The following CPTP variants were observed in gnomAD, a reference collection of about 807,000 sequenced individuals.
CPTP encodes ceramide-1-phosphate transfer protein.
Under a neutral mutation model 5.7 loss-of-function variants are expected in CPTP, and 5 were observed. That is an observed-to-expected ratio of 0.88 (90% CI 0.46 to 1.86). The LOEUF is 1.86. Among genes scored for constraint, CPTP ranks in the 40% most tolerant of loss-of-function variants. The pLI is 0.01. For missense variants in CPTP, 335 were observed against 306.5 expected (o/e 1.09, Z -0.69); for synonymous variants, 166 against 142.7 (o/e 1.16, Z -1.16).
intron 1 of CPTP, among the ~76,000 whole-genome samples, chr1:1,326,492 G>A (rs1238245480): frequency 6.6e-6 from 1 of 152,170 alleles, no homozygotes; most frequent in Non-Finnish European, 1.5e-5. Flanking sequence ...TTCTCCAGCT[G>A]GTAAAAGCAG....
Position 1,327,585 on chromosome 1 carries a change from G to C in CPTP, c.467G>C (p.Arg156Pro). Residue 156 changes from arginine (R) to proline (P), a missense_variant, in exon 3 of 3, where the codon CGC becomes CCC. Arg to Pro is a moderately radical substitution (Grantham distance 103). Transcript: ENST00000343938. Reference protein sequence around the residue: ...LAAYHPWVVRRAVTVAFCTLP... With the variant: ...LAAYHPWVVRPAVTVAFCTLP... ...GCCTACCACCCCTGGGTCGTGCGCCGCGCCGTCACCGTGGCCTTCTGCACG... is the reference window on the plus strand; with the variant it reads ...GCCTACCACCCCTGGGTCGTGCGCCCCGCCGTCACCGTGGCCTTCTGCACG... 1.2e-6 allele frequency: 2 copies of C among 1,608,566 alleles called. No individual in the cohort carries two copies. Among genetic ancestry groups the C allele is most frequent in the East Asian group, 2.2e-5 (1 of 44,750 alleles).
At position 1,326,863 on chromosome 1, in the gene CPTP, C is replaced by G. The variant is rs1643319134; in HGVS notation, c.-48C>G. The G allele has an allele frequency of 1.2e-6, 2 of 1,611,900 alleles. No individual in the cohort carries two copies. Among genetic ancestry groups the G allele is most frequent in the African/African-American group, 2.7e-5 (2 of 74,906 alleles). ...AATGAGCCACAGAGCAAGCTGACCC[C>G]AGCGACACAGCCCCCCAGCCCTACT... On this transcript the variant is annotated 5_prime_UTR_variant, in exon 2 of 3. Transcript: ENST00000343938.
Position 1,327,093 on chromosome 1 carries a change from G to A in CPTP, c.122+61G>A, listed in dbSNP as rs1643323935. 18 of 1,602,944 alleles carry A rather than the reference G, an allele frequency of 1.1e-5. 1 individual carries two copies. The South Asian group carries it at 1.5e-4, about 14-fold the overall frequency. On this transcript the variant is annotated intron_variant, in intron 2 of 2. Coordinates refer to ENST00000343938, the MANE Select transcript of CPTP (RefSeq NM_001029885.2). Reference sequence around the variant, plus strand: ...TCCCCTGGCCCGAGTCCCATATGTGGCATCTGCCTCCCGACTGCCTGTCCC... The same window carrying A: ...TCCCCTGGCCCGAGTCCCATATGTGACATCTGCCTCCCGACTGCCTGTCCC...
Position 1,328,083 on chromosome 1 carries a change from A to G in CPTP, c.*320A>G. On this transcript the variant is annotated 3_prime_UTR_variant, in exon 3 of 3. Transcript: ENST00000343938. ...CAGGGGTGGGGGCCGGGCCTGCAAG[A>G]GCCCGAAAGGTCGCCACCCCCTAGC... is the stretch of plus-strand genomic sequence containing the variant. 1 of 437,392 alleles carries G rather than the reference A, an allele frequency of 2.3e-6. No homozygotes were observed. Among genetic ancestry groups the G allele is most frequent in the Non-Finnish European group, 4.1e-6 (1 of 243,984 alleles). 27.1% of individuals were successfully genotyped at this position (437,392 alleles called of 1,614,324 possible).
At position 1,327,424 on chromosome 1, in the gene CPTP, G is replaced by A. The variant is rs555564114; in HGVS notation, c.306G>A (p.Glu102=). The A allele has an allele frequency of 7.6e-6, 12 of 1,588,182 alleles. No individual in the cohort carries two copies. In the Admixed American group the frequency reaches 1.7e-4, roughly 23 times the overall value. The change falls in exon 3 of 3, where the codon GAG becomes GAA. Residue 102 remains glutamate, a synonymous_variant. Coordinates refer to ENST00000343938, the MANE Select transcript of CPTP (RefSeq NM_001029885.2). ...VDLERRSHHP[E]SGCRTVLRLH... is the part of the protein sequence containing the mutation. ...TGGAGCGCCGCTCCCACCACCCGGAGTCTGGCTGCCGGACGGTGCTGCGCC... is the reference window on the plus strand; with the variant it reads ...TGGAGCGCCGCTCCCACCACCCGGAATCTGGCTGCCGGACGGTGCTGCGCC...
Position 1,327,966 on chromosome 1 carries a change from C to T in CPTP, c.*203C>T, listed in dbSNP as rs1238308356. 4.8e-6 allele frequency: 3 copies of T among 631,530 alleles called. No homozygotes were observed. The highest frequency in any genetic ancestry group is 1.8e-5 in the African/African-American group (1 of 54,326). The allele number at this position is 631,530 out of a possible 1,614,324, so 39.1% of individuals were successfully genotyped here. On this transcript the variant is annotated 3_prime_UTR_variant, in exon 3 of 3. Coordinates refer to ENST00000343938, the MANE Select transcript of CPTP (RefSeq NM_001029885.2). ...CCAGAAGAGGCCCACCCTCTCGGTC[C>T]GGAACAAGACGCCTCGGCCACGGCT...
At position 1,328,108 on chromosome 1, in the gene CPTP, C is replaced by T. The variant is rs1280596702; in HGVS notation, c.*345C>T. The T allele has an allele frequency of 2.6e-6, 1 of 382,260 alleles. No homozygotes were observed. The highest frequency in any genetic ancestry group is 4.8e-6 in the Non-Finnish European group (1 of 210,048). The allele number at this position is 382,260 out of a possible 1,614,324, so 23.7% of individuals were successfully genotyped here. A position where few individuals can be genotyped will look rare whatever the true frequency, so the allele number is the denominator to read the frequency against. On this transcript the variant is annotated 3_prime_UTR_variant, in exon 3 of 3. Transcript: ENST00000343938. ...AGCCCGAAAGGTCGCCACCCCCTAG[C>T]CTGTGGGGTGCATCTGCGAACCAGG...
In CPTP at chr1:1,328,756, A is replaced by T. The variant is rs307352; in HGVS notation, c.*993A>T. On this transcript the variant is annotated 3_prime_UTR_variant, in exon 3 of 3. Transcript: ENST00000343938. ...TGGGGCCTGGCCACTGGCTCTTCAC[A>T]GTGGACCCCAGCACCTCGGGGTGGC... The T allele has an allele frequency of 7.2e-3, 1,092 of 152,566 alleles. 14 individuals are homozygous for T. Among genetic ancestry groups the T allele is most frequent in the African/African-American group, 0.025 (1,031 of 41,530 alleles). The allele number at this position is 152,566 out of a possible 1,614,324, so 9.5% of individuals were successfully genotyped here. A position where few individuals can be genotyped will look rare whatever the true frequency, so the allele number is the denominator to read the frequency against.
At position 1,327,812 on chromosome 1, in the gene CPTP, G is replaced by A. The variant is rs372225054; in HGVS notation, c.*49G>A. 3.8e-5 allele frequency: 60 copies of A among 1,595,320 alleles called. No individual in the cohort carries two copies. The African/African-American group carries it at 7.5e-4, about 20-fold the overall frequency. On this transcript the variant is annotated 3_prime_UTR_variant, in exon 3 of 3. Coordinates refer to ENST00000343938, the MANE Select transcript of CPTP (RefSeq NM_001029885.2). ...GGCTTTCCTGCTGCAGATCTGGGCTGCGGTGGCCAGGGCCGTGAGTCCCGT... is the reference window on the plus strand; with the variant it reads ...GGCTTTCCTGCTGCAGATCTGGGCTACGGTGGCCAGGGCCGTGAGTCCCGT...
intron 1 of CPTP, among the ~76,000 whole-genome samples, chr1:1,325,973 C>T (rs750036735): frequency 3.0e-4 from 45 of 152,334 alleles, no homozygotes; most frequent in Non-Finnish European, 1.9e-4. Flanking sequence ...GGTGCGGGCC[C>T]GTGGGGCACC....
rs983076513 is a variant in CPTP at position 1,328,776 on chromosome 1, G to A, written c.*1013G>A. On this transcript the variant is annotated 3_prime_UTR_variant, in exon 3 of 3. Coordinates refer to ENST00000343938, the MANE Select transcript of CPTP (RefSeq NM_001029885.2). ...TTCACAGTGGACCCCAGCACCTCGG[G>A]GTGGCAGAGGGACGGCCCCCACGGC... The A allele has an allele frequency of 1.3e-5, 2 of 152,478 alleles. No homozygotes were observed. Among genetic ancestry groups the A allele is most frequent in the African/African-American group, 4.8e-5 (2 of 41,460 alleles). 9.4% of individuals were successfully genotyped at this position (152,478 alleles called of 1,614,324 possible).
chr1:1,326,297 G>A (rs893869210), intron 1 of CPTP, among the ~76,000 whole-genome samples: 6 of 152,090 alleles, frequency 3.9e-5, no homozygotes, highest in South Asian at 4.1e-4. Flanking sequence ...CAGCCTGCCC[G>A]GCAGCATCCC....
chr1:1,327,732 A>G lies in CPTP; in HGVS notation c.614A>G (p.Tyr205Cys), dbSNP rs1569625757. The G allele has an allele frequency of 6.2e-7, 1 of 1,612,456 alleles. No individual in the cohort carries two copies. Residue 205 changes from tyrosine to cysteine, a missense_variant, in exon 3 of 3, where the codon TAC becomes TGC. By Grantham distance (194) the Tyr-to-Cys change is radical (BLOSUM62 -2). Transcript: ENST00000343938. ...GTCTACAACGTCTCCCAGAAGCTCTACGCCGAGCACTCCCTGCTGGACCTG... is the reference window on the plus strand; with the variant it reads ...GTCTACAACGTCTCCCAGAAGCTCTGCGCCGAGCACTCCCTGCTGGACCTG... ...QRVYNVSQKL[Y>C]AEHSLLDLP
rs1643365761 is a variant in CPTP at position 1,328,802 on chromosome 1, C to G, written c.*1039C>G. ...GTGGCAGAGGGACGGCCCCCACGGC[C>G]CAGCAGACATGCGAGCTTCCAGAGT... On this transcript the variant is annotated 3_prime_UTR_variant, in exon 3 of 3. Transcript: ENST00000343938. 6.6e-6 allele frequency: 1 copy of G among 152,472 alleles called. No homozygotes were observed. Among genetic ancestry groups the G allele is most frequent in the Non-Finnish European group, 1.5e-5 (1 of 68,070 alleles). 9.4% of individuals were successfully genotyped at this position (152,472 alleles called of 1,614,324 possible). A position where few individuals can be genotyped will look rare whatever the true frequency, so the allele number is the denominator to read the frequency against.
At chr1:1,327,129 G>T in intron 2 of CPTP, 97 bp downstream of exon 2, 1 of 1,589,452 alleles carries the variant, frequency 6.3e-7, no homozygotes. Context: ...CACCAGCTTT[G>T]CTGCCCGTTT....
chr1:1,324,944 C>A lies in CPTP; in HGVS notation c.-234C>A, dbSNP rs2100662751. 1 of 299,914 alleles carries A rather than the reference C, an allele frequency of 3.3e-6. No homozygotes were observed. Among genetic ancestry groups the A allele is most frequent in the East Asian group, 6.2e-5 (1 of 16,144 alleles). The allele number at this position is 299,914 out of a possible 1,614,324, so 18.6% of individuals were successfully genotyped here. ...GTCCTAGAGGGCCGGAGCGGGCGGGCGGCCGAGGACCCGGCTCCCGCGCAG... is the reference window on the plus strand; with the variant it reads ...GTCCTAGAGGGCCGGAGCGGGCGGGAGGCCGAGGACCCGGCTCCCGCGCAG... On this transcript the variant is annotated 5_prime_UTR_variant, in exon 1 of 3. Transcript: ENST00000343938.
At position 1,327,716 on chromosome 1, in the gene CPTP, G is replaced by T; in HGVS notation, c.598G>T (p.Val200Phe). Residue 200 changes from valine (V) to phenylalanine (F), a missense_variant, in exon 3 of 3, where the codon GTC (valine) becomes TTC (phenylalanine). Transcript: ENST00000343938. ...CCCCTTCATCCAGCGTGTCTACAAC[G>T]TCTCCCAGAAGCTCTACGCCGAGCA... ...ALPFIQRVYNVSQKLYAEHSL... is the reference protein window; with the variant it reads ...ALPFIQRVYNFSQKLYAEHSL... 6.2e-7 allele frequency: 1 copy of T among 1,612,696 alleles called. No homozygotes were observed.
chr1:1,325,371 G>A (rs948492083), intron 1 of CPTP: 141 of 152,472 alleles, frequency 9.2e-4, no homozygotes, highest in Non-Finnish European at 1.3e-3. Flanking sequence ...ACCAGCCACA[G>A]CTCTGAGAAG....
Position 1,326,897 on chromosome 1 carries a change from G to A in CPTP, c.-14G>A, listed in dbSNP as rs747947774. 20 of 1,613,490 alleles carry A rather than the reference G, an allele frequency of 1.2e-5. No homozygotes were observed. The highest frequency in any genetic ancestry group is 3.3e-5 in the South Asian group (3 of 91,084). ...AGCCCCCCAGCCCTACTGTATTTCC[G>A]TTCCTATCAAAAAATGGATGACTCG... On this transcript the variant is annotated 5_prime_UTR_variant, in exon 2 of 3. Transcript: ENST00000343938.
Sources: allele counts gnomAD v4.1 joint callset (sites outside exome capture counted in the v4.1 genomes callset), GRCh38; gene constraint gnomAD v4.1.1; transcripts MANE v1.5; gene names NCBI Gene and HGNC (gene_info 2026-07-23, HGNC 2026-07-21).